HIGD2B: variants seen among roughly 807,000 people sequenced by gnomAD.
HIGD2B encodes HIG1 hypoxia inducible domain family member 2B.
For missense variants in HIGD2B, 106 were observed against 67.0 expected (o/e 1.58, Z -2.03); for synonymous variants, 45 against 28.1 (o/e 1.60, Z -1.90).
rs776573535 is a variant in HIGD2B, at chr15:72,676,123, G to A, written c.252C>T (p.Ala84=). The A allele has an allele frequency of 3.9e-5, 30 of 765,040 alleles. No homozygotes were observed. Among genetic ancestry groups the A allele is most frequent in the South Asian group, 2.6e-4 (19 of 73,784 alleles). The allele number at this position is 765,040 out of a possible 1,614,324, so 47.4% of individuals were successfully genotyped here. A position where few individuals can be genotyped will look rare whatever the true frequency, so the allele number is the denominator to read the frequency against. The part of the protein sequence containing the change: ...CSRLMMHTQI[A]AQGFTIAAIL... Reference sequence around the variant, plus strand: ...TGGCTGCAATGGTGAAGCCCTGGGCGGCGATCTGGGTGTGCATCATAAGCC... The same window carrying A: ...TGGCTGCAATGGTGAAGCCCTGGGCAGCGATCTGGGTGTGCATCATAAGCC... Residue 84 remains alanine, a synonymous_variant, in exon 3 of 3, where the codon GCC becomes GCT. Coordinates refer to ENST00000311755, the MANE Select transcript of HIGD2B (RefSeq NM_001350932.3).
intron 2 of HIGD2B, among the ~76,000 whole-genome samples, chr15:72,676,901 CAGAT>C (rs906181787): frequency 1.4e-4 from 22 of 152,196 alleles, no homozygotes; most frequent in Admixed American, 3.9e-4. Flanking sequence ...ACTATGGTGA[CAGAT>C]AGGAAAACCT....
Position 72,685,746 on chromosome 15 carries a change from A to G in HIGD2B, c.-193+72T>C, listed in dbSNP as rs1479148311. Reference sequence around the variant, plus strand: ...AGCATGTTTGCAAACTCTGGAGTAAACAAGAGTGGGAAGCTGATAAGGTGA... The same window carrying G: ...AGCATGTTTGCAAACTCTGGAGTAAGCAAGAGTGGGAAGCTGATAAGGTGA... On this transcript the variant is annotated intron_variant, in intron 1 of 2. Coordinates refer to ENST00000311755, the MANE Select transcript of HIGD2B (RefSeq NM_001350932.3). 3.8e-5 allele frequency: 8 copies of G among 211,492 alleles called. No homozygotes were observed. The East Asian group carries it at 7.7e-4, about 20-fold the overall frequency. The allele number at this position is 211,492 out of a possible 1,614,324, so 13.1% of individuals were successfully genotyped here.
chr15:72,686,151 C>A lies in HIGD2B; in HGVS notation c.-526G>T. On this transcript the variant is annotated 5_prime_UTR_variant, in exon 1 of 3. Transcript: ENST00000311755. Reference sequence around the variant, plus strand: ...TCCCCCGCTTCCTCACAGTCCTCCACAGCCCTACGACTTCCGCTTGCCTCG... The same window carrying A: ...TCCCCCGCTTCCTCACAGTCCTCCAAAGCCCTACGACTTCCGCTTGCCTCG... 2 of 1,455,836 alleles carry A rather than the reference C, an allele frequency of 1.4e-6. No individual in the cohort carries two copies. The highest frequency in any genetic ancestry group is 1.9e-6 in the Non-Finnish European group (2 of 1,066,910). 90.2% of individuals were successfully genotyped at this position (1,455,836 alleles called of 1,614,324 possible).
chr15:72,680,466 G>A (rs2064737485), intron 1 of HIGD2B, among the ~76,000 whole-genome samples: 1 of 151,968 alleles, frequency 6.6e-6, no homozygotes, highest in African/African-American at 2.4e-5. Context: ...TAATATCTGT[G>A]TATTATAATC....
Position 72,686,009 on chromosome 15 carries a change from GA to G in HIGD2B, c.-385del. Reference sequence around the variant, plus strand: ...GCGAGGGGTGTTAGGGGCTTCTCGGGATAAAGGCAGCGAGTGGCTGCGCATT... The same window carrying G: ...GCGAGGGGTGTTAGGGGCTTCTCGGGTAAAGGCAGCGAGTGGCTGCGCATT... On this transcript the variant is annotated 5_prime_UTR_variant, in exon 1 of 3. It removes the in-frame stop codon of an upstream open reading frame in the 5' UTR. Transcript: ENST00000311755. The G allele has an allele frequency of 1.6e-6, 1 of 637,318 alleles. No individual in the cohort carries two copies. Among genetic ancestry groups the G allele is most frequent in the East Asian group, 2.8e-5 (1 of 36,192 alleles). The allele number at this position is 637,318 out of a possible 1,614,324, so 39.5% of individuals were successfully genotyped here.
At position 72,678,346 on chromosome 15, in the gene HIGD2B, A is replaced by G. The variant is rs2064714289; in HGVS notation, c.-14+1669T>C. 8.6e-5 allele frequency among the ~76,000 whole-genome samples: 13 copies of G among 151,988 alleles called. No individual in the cohort carries two copies. The South Asian group carries it at 2.5e-3, about 29-fold the overall frequency. ...GTTCTCACTCTGTCACCCAGGCTGG[A>G]GTTTGGTGGCATGATCAAAACTCAC... On this transcript the variant is annotated intron_variant, in intron 2 of 2. Transcript: ENST00000311755.
chr15:72,685,157 G>A (rs1387760381), intron 1 of HIGD2B, among the ~76,000 whole-genome samples: 1 of 152,148 alleles, frequency 6.6e-6, no homozygotes. Flanking sequence ...CCTTGTATTT[G>A]GATAGATTAC....
At chr15:72,682,633 T>C (rs368513858) in intron 1 of HIGD2B, 2 of 153,208 alleles carry the variant, frequency 1.3e-5, no homozygotes, top group Non-Finnish European at 1.5e-5. Context: ...AACCTGGAGG[T>C]TGCAGTGAGC....
Position 72,679,817 on chromosome 15 carries a change from G to A in HIGD2B, c.-14+198C>T, listed in dbSNP as rs111338382. ...ACCAAAAACCTTCAGAAATTTCAGAGTATAGGATGTTGGTAAGAAGCACCA... is the reference window on the plus strand; with the variant it reads ...ACCAAAAACCTTCAGAAATTTCAGAATATAGGATGTTGGTAAGAAGCACCA... On this transcript the variant is annotated intron_variant, in intron 2 of 2. Coordinates refer to ENST00000311755, the MANE Select transcript of HIGD2B (RefSeq NM_001350932.3). 2.6e-3 allele frequency among the ~76,000 whole-genome samples: 390 copies of A among 152,200 alleles called. 3 individuals carry two copies. The highest frequency in any genetic ancestry group is 8.9e-3 in the African/African-American group (368 of 41,518).
intron 1 of HIGD2B, among the ~76,000 whole-genome samples, chr15:72,684,684 A>G (rs2064790928): frequency 6.6e-6 from 1 of 151,958 alleles, no homozygotes; most frequent in African/African-American, 2.4e-5. Flanking sequence ...AGACAGGGTT[A>G]CACCATGTTG....
intron 2 of HIGD2B, among the ~76,000 whole-genome samples, chr15:72,679,061 A>C (rs190171376): frequency 3.6e-4 from 53 of 148,928 alleles, no homozygotes; most frequent in African/African-American, 1.3e-3. Context: ...AAGAAAAAAG[A>C]AAAAAAAAAG....
Sources: gnomAD v4.1 joint callset for allele counts (sites outside exome capture counted in the v4.1 genomes callset) on GRCh38, gnomAD v4.1.1 for gene constraint, MANE v1.5 for transcripts, NCBI Gene and HGNC (gene_info 2026-07-23, HGNC 2026-07-21) for gene names.